FRMPD4: variants seen among roughly 807,000 people sequenced by gnomAD.
FRMPD4 encodes the protein FERM and PDZ domain-containing protein 4.
Under a neutral mutation model 94.1 loss-of-function variants are expected in FRMPD4, and 22 were observed. That is an observed-to-expected ratio of 0.23 (90% CI 0.17 to 0.33). The LOEUF (loss-of-function observed/expected upper bound fraction) is 0.33. Among genes scored for constraint, FRMPD4 ranks in the 10% least tolerant of loss-of-function variants. The pLI, the probability that FRMPD4 is intolerant of heterozygous loss-of-function variation, is 1.00. For synonymous variants in FRMPD4, 631 were observed against 548.6 expected, an observed-to-expected ratio of 1.15 and a Z score of -2.10; for missense variants, 1,111 against 1,339.9, an observed-to-expected ratio of 0.83 and a Z score of 2.67.
At chrX:12,398,125 G>A (rs1397919372) in intron 1 of FRMPD4, among the ~76,000 whole-genome samples, 12 of 111,041 alleles carry the variant, frequency 1.1e-4, no homozygotes, top group African/African-American at 3.6e-4. Context: ...GTACTGAGTG[G>A]GCCCCAATTC....
intron 11 of FRMPD4, among the ~76,000 whole-genome samples, chrX:12,705,629 T>C (rs2041861446): frequency 1.8e-5 from 2 of 111,395 alleles, no homozygotes; most frequent in Admixed American, 9.6e-5. Context: ...ACAGTGAGCA[T>C]TCAGCTTACA....
chrX:11,894,698 A>G lies in FRMPD4; in HGVS notation c.95+16680A>G, dbSNP rs370222277. 4.5e-5 allele frequency among the ~76,000 whole-genome samples: 5 copies of G among 111,981 alleles called. No individual in the cohort carries two copies. The East Asian group carries it at 1.1e-3, about 25-fold the overall frequency. On this transcript the variant is annotated intron_variant, in intron 3 of 18. Coordinates refer to the FRMPD4 transcript ENST00000640291. ...CTAGAGCAGCATGTCTCAAATTTCA[A>G]TGTGTGTAAGACTCACCTAGAAATC...
chrX:12,417,161 T>C (rs1178830054), intron 1 of FRMPD4, among the ~76,000 whole-genome samples: 5 of 111,743 alleles, frequency 4.5e-5, no homozygotes, highest in Non-Finnish European at 9.4e-5. Flanking sequence ...GCCTATAAGC[T>C]ACTTTTTGCA....
intron 1 of FRMPD4, among the ~76,000 whole-genome samples, chrX:12,148,159 G>A (rs1010480736): frequency 1.8e-5 from 2 of 112,096 alleles, no homozygotes; most frequent in African/African-American, 3.2e-5. Context: ...ATTAAGTTTG[G>A]TACGGAAGGC....
chrX:11,832,248 G>A (rs766546139), intron 1 of FRMPD4, among the ~76,000 whole-genome samples: 14 of 111,720 alleles, frequency 1.3e-4, no homozygotes, highest in African/African-American at 4.6e-4. Context: ...TACCGGATTT[G>A]CCTCCAGACA....
intron 1 of FRMPD4, among the ~76,000 whole-genome samples, chrX:12,485,117 C>A (rs1252707367): frequency 1.8e-5 from 2 of 112,245 alleles, no homozygotes; most frequent in Non-Finnish European, 3.8e-5. Flanking sequence ...TTGCTGGGCA[C>A]TGATGTGGAG....
In FRMPD4 at chrX:12,483,257, A is replaced by T. The variant is rs991723044; in HGVS notation, c.42-15423A>T. The stretch of plus-strand genomic sequence containing the variant: ...GTGTAAGGTGGTAAAAACTACAGGA[A>T]TTCAGAGATCCCACTGTGAATTGGG... On this transcript the variant is annotated intron_variant, in intron 1 of 16. Coordinates refer to ENST00000675598, the MANE Select transcript of FRMPD4 (RefSeq NM_001368397.1). Among the ~76,000 whole-genome samples, 7 of 111,927 alleles carry T rather than the reference A, an allele frequency of 6.3e-5. 1 individual carries two copies. In the Admixed American group the frequency reaches 6.6e-4, roughly 11 times the overall value.
intron 1 of FRMPD4, among the ~76,000 whole-genome samples, chrX:12,434,939 C>A (rs2057048181): frequency 1.8e-5 from 2 of 112,551 alleles, no homozygotes; most frequent in Admixed American, 1.9e-4. Flanking sequence ...CCAATGCCAG[C>A]AAAAATCTTG....
intron 1 of FRMPD4, among the ~76,000 whole-genome samples, chrX:12,198,627 C>T (rs1297812555): frequency 5.4e-5 from 6 of 111,773 alleles, no homozygotes; most frequent in Non-Finnish European, 9.4e-5. Flanking sequence ...ATGACTTCAT[C>T]CCCCATTGAG....
chrX:12,296,080 C>T (rs1385868267), intron 1 of FRMPD4, among the ~76,000 whole-genome samples: 2 of 110,377 alleles, frequency 1.8e-5, no homozygotes, highest in Non-Finnish European at 3.8e-5. Flanking sequence ...CTGTAGTGTG[C>T]CCCCGCTTCC....
At chrX:12,097,186 G>C (rs977581816) in intron 3 of FRMPD4, among the ~76,000 whole-genome samples, 1 of 111,923 alleles carries the variant, frequency 8.9e-6, no homozygotes, top group African/African-American at 3.3e-5. Context: ...CTGTAAACTT[G>C]ATATCACATC....
intron 3 of FRMPD4, among the ~76,000 whole-genome samples, chrX:12,024,233 C>T (rs1175323787): frequency 2.7e-5 from 3 of 111,805 alleles, no homozygotes; most frequent in East Asian, 5.6e-4. Flanking sequence ...ATTTATGATA[C>T]GTGCATATGT....
chrX:11,824,696 G>A (rs2053431338), intron 1 of FRMPD4, among the ~76,000 whole-genome samples: 2 of 111,874 alleles, frequency 1.8e-5, no homozygotes, highest in Admixed American at 9.5e-5. Flanking sequence ...AGAAGGAGTA[G>A]TCAGTAAGTA....
chrX:12,671,660 A>T (rs1297338975), intron 4 of FRMPD4, among the ~76,000 whole-genome samples: 2 of 110,677 alleles, frequency 1.8e-5, no homozygotes, highest in East Asian at 5.6e-4. Context: ...GGTGCAGCAA[A>T]CCACCATGGT....
At chrX:12,014,612 C>T (rs954823372) in intron 3 of FRMPD4, among the ~76,000 whole-genome samples, 1 of 111,240 alleles carries the variant, frequency 9.0e-6, no homozygotes, top group Non-Finnish European at 1.9e-5. Flanking sequence ...AGTATTTTTC[C>T]ATTAGAGATT....
intron 2 of FRMPD4, among the ~76,000 whole-genome samples, chrX:12,596,886 T>C (rs1398490356): frequency 8.9e-6 from 1 of 112,233 alleles, no homozygotes; most frequent in Admixed American, 9.4e-5. Context: ...GCATACTGTT[T>C]ACACTGATTA....
intron 1 of FRMPD4, among the ~76,000 whole-genome samples, chrX:12,204,736 T>C (rs904592282): frequency 2.1e-4 from 23 of 110,905 alleles, no homozygotes; most frequent in African/African-American, 7.6e-4. Context: ...GCCAAATTGC[T>C]CTGTATCTTG....
At chrX:12,720,028 AG>A (rs67864784) in intron 16 of FRMPD4, among the ~76,000 whole-genome samples, 16,031 of 65,395 alleles carry the variant, frequency 0.25, 1,441 homozygotes, top group Middle Eastern at 0.41. Flanking sequence ...AGGAAAGGAA[AG>A]GAAAGGAAAG....
chrX:12,005,091 T>C (rs2054544812), intron 3 of FRMPD4, among the ~76,000 whole-genome samples: 1 of 112,285 alleles, frequency 8.9e-6, no homozygotes, highest in African/African-American at 3.2e-5. Flanking sequence ...CATTTTCATA[T>C]GTATTTATTA....
Sources: allele counts gnomAD v4.1 joint callset (sites outside exome capture counted in the v4.1 genomes callset), GRCh38; gene constraint gnomAD v4.1.1; transcripts MANE v1.5; gene names NCBI Gene and HGNC (gene_info 2026-07-23, HGNC 2026-07-21).